MYBL2: variants seen among roughly 807,000 people sequenced by gnomAD.
MYBL2 encodes MYB proto-oncogene like 2, also known as myb-related protein B.
In MYBL2, 28 loss-of-function variants were observed where a neutral mutation model predicts 79.9. The ratio of observed to expected loss-of-function variants is 0.35; its 90% confidence interval spans 0.26 to 0.48. The LOEUF (loss-of-function observed/expected upper bound fraction) is 0.48. MYBL2 is among the 20% of genes least tolerant of loss of function. The pLI is 0.99. For synonymous variants in MYBL2, 378 were observed against 361.2 expected, an observed-to-expected ratio of 1.05 and a Z score of -0.53; for missense variants, 735 against 893.9, an observed-to-expected ratio of 0.82 and a Z score of 2.27.
chr20:43,704,916 C>T (rs1273169134), intron 8 of MYBL2, among the ~76,000 whole-genome samples: 1 of 152,158 alleles, frequency 6.6e-6, no homozygotes, highest in East Asian at 1.9e-4. Flanking sequence ...TGAGAAGGAG[C>T]CACTCTCCCA....
At chr20:43,674,430 A>G (rs1221485283) in intron 2 of MYBL2, among the ~76,000 whole-genome samples, 2 of 147,532 alleles carry the variant, frequency 1.4e-5, no homozygotes, top group African/African-American at 5.0e-5. Context: ...TTTGTCACCC[A>G]GGCTGGAGTA....
chr20:43,714,818 A>G lies in MYBL2; in HGVS notation c.1825-316A>G, dbSNP rs560862994. Among the ~76,000 whole-genome samples, 211 of 152,196 alleles carry G rather than the reference A, an allele frequency of 1.4e-3. 1 individual carries two copies. The highest frequency in any genetic ancestry group is 1.6e-3 in the Non-Finnish European group (106 of 68,010). ...GCTAATTTTTGTGTTTTTAGTAGAG[A>G]CGGGGTTTCACCCTGTTGACCAGGA... On this transcript the variant is annotated intron_variant, in intron 12 of 13. Coordinates refer to ENST00000217026, the MANE Select transcript of MYBL2 (RefSeq NM_002466.4).
At chr20:43,683,198 G>A (rs1987183714) in intron 4 of MYBL2, among the ~76,000 whole-genome samples, 1 of 152,196 alleles carries the variant, frequency 6.6e-6, no homozygotes, top group South Asian at 2.1e-4. Context: ...GGTGATGCTT[G>A]TAGGGGGCTT....
At chr20:43,697,843 A>G (rs1396215028) in intron 6 of MYBL2, among the ~76,000 whole-genome samples, 3 of 149,794 alleles carry the variant, frequency 2.0e-5, no homozygotes, top group Non-Finnish European at 4.4e-5. Flanking sequence ...TGAACCTGGG[A>G]GGTGGAGCTT....
At chr20:43,710,982 G>T (rs536111826) in intron 10 of MYBL2, among the ~76,000 whole-genome samples, 1 of 152,122 alleles carries the variant, frequency 6.6e-6, no homozygotes, top group Non-Finnish European at 1.5e-5. Flanking sequence ...GCTGTGATTC[G>T]CACCTTTCAC....
chr20:43,714,090 T>A (rs1987974205), intron 12 of MYBL2, among the ~76,000 whole-genome samples: 1 of 152,012 alleles, frequency 6.6e-6, no homozygotes, highest in African/African-American at 2.4e-5. Context: ...CCGCAGGGAG[T>A]GAAGAGCACA....
intron 5 of MYBL2, among the ~76,000 whole-genome samples, chr20:43,690,204 T>C (rs76664249): frequency 6.6e-6 from 1 of 151,772 alleles, no homozygotes; most frequent in East Asian, 1.9e-4. Context: ...TTTTTTTTTT[T>C]TGTTTGTTTT....
intron 8 of MYBL2, among the ~76,000 whole-genome samples, chr20:43,704,174 C>T (rs551853295): frequency 2.0e-4 from 30 of 152,092 alleles, no homozygotes; most frequent in South Asian, 6.2e-4. Context: ...CCACCATGCC[C>T]GGCTATTTTT....
chr20:43,682,045 C>T (rs1308427035), intron 3 of MYBL2, among the ~76,000 whole-genome samples, 190 bp downstream of exon 3: 1 of 152,246 alleles, frequency 6.6e-6, no homozygotes, highest in East Asian at 1.9e-4. Context: ...GGGTACACTG[C>T]TGTAAACATC....
At chr20:43,667,338 C>A in intron 1 of MYBL2, 35 bp downstream of exon 1, 4 of 1,215,538 alleles carry the variant, frequency 3.3e-6, no homozygotes, top group Admixed American at 4.2e-5. Context: ...GCCCCTCCCC[C>A]TCCCTTTAAC....
rs1239971832 is a variant in MYBL2, at chr20:43,696,750, T to TG, written c.664-3003dup. ...TGTGGTTGATTTTTTTGTTTTTAGA[T>TG]GGGGTCTCACTCTGTTGCCAGGCTG... On this transcript the variant is annotated intron_variant, in intron 6 of 13. Coordinates refer to ENST00000217026, the MANE Select transcript of MYBL2 (RefSeq NM_002466.4). 2.0e-5 allele frequency among the ~76,000 whole-genome samples: 3 copies of TG among 152,274 alleles called. No individual in the cohort carries two copies. In the East Asian group the frequency reaches 5.8e-4, roughly 29 times the overall value.
rs1388359550 is a variant in MYBL2, at chr20:43,667,220, G to T, written c.-64G>T. On this transcript the variant is annotated 5_prime_UTR_variant, in exon 1 of 14. Coordinates refer to ENST00000217026, the MANE Select transcript of MYBL2 (RefSeq NM_002466.4). ...CGGAGCAGCCCGGGTCCTGACCCCGGCCCGGCTCCCGCTCCGGGCTCTGCC... is the reference window on the plus strand; with the variant it reads ...CGGAGCAGCCCGGGTCCTGACCCCGTCCCGGCTCCCGCTCCGGGCTCTGCC... The T allele has an allele frequency of 8.6e-7, 1 of 1,167,774 alleles. No individual in the cohort carries two copies. Among genetic ancestry groups the T allele is most frequent in the Non-Finnish European group, 1.1e-6 (1 of 942,630 alleles). 72.3% of individuals were successfully genotyped at this position (1,167,774 alleles called of 1,614,324 possible).
At chr20:43,712,259 A>T (rs1416620534) in intron 11 of MYBL2, among the ~76,000 whole-genome samples, 2 of 152,156 alleles carry the variant, frequency 1.3e-5, no homozygotes, top group Non-Finnish European at 2.9e-5. Flanking sequence ...CCTTTTTCCC[A>T]GACTGCTCTC....
chr20:43,673,464 C>G (rs1986915161), intron 1 of MYBL2, among the ~76,000 whole-genome samples: 1 of 151,530 alleles, frequency 6.6e-6, no homozygotes, highest in Non-Finnish European at 1.5e-5. Flanking sequence ...TGGTGAGACC[C>G]CGTCTCTACA....
At chr20:43,674,223 C>CT (rs1391383611) in intron 2 of MYBL2, among the ~76,000 whole-genome samples, 2 of 50,194 alleles carry the variant, frequency 4.0e-5, no homozygotes, top group Non-Finnish European at 5.7e-5. Context: ...AAATCTGTAA[C>CT]TCCCCCCACC....
chr20:43,714,020 C>T (rs1987971575), intron 12 of MYBL2, among the ~76,000 whole-genome samples: 1 of 152,136 alleles, frequency 6.6e-6, no homozygotes, highest in South Asian at 2.1e-4. Context: ...CTTGTCCTGG[C>T]TAGGGGTCTC....
At chr20:43,672,777 A>G (rs537293328) in intron 1 of MYBL2, among the ~76,000 whole-genome samples, 3 of 152,170 alleles carry the variant, frequency 2.0e-5, no homozygotes, top group Non-Finnish European at 1.5e-5. Flanking sequence ...ATGGACATAG[A>G]GAATATATTC....
chr20:43,677,752 T>A (rs1987044563), intron 2 of MYBL2, among the ~76,000 whole-genome samples: 1 of 152,068 alleles, frequency 6.6e-6, no homozygotes, highest in Non-Finnish European at 1.5e-5. Context: ...CGGCCGCCCC[T>A]ACTGGGAAGT....
intron 6 of MYBL2, among the ~76,000 whole-genome samples, chr20:43,694,619 A>C (rs963454033): frequency 1.3e-5 from 2 of 152,226 alleles, no homozygotes; most frequent in African/African-American, 2.4e-5. Flanking sequence ...TTTAGAGAAT[A>C]TCTCTCGATT....
Sources: allele counts gnomAD v4.1 joint callset (sites outside exome capture counted in the v4.1 genomes callset), GRCh38; gene constraint gnomAD v4.1.1; transcripts MANE v1.5; gene names NCBI Gene and HGNC (gene_info 2026-07-23, HGNC 2026-07-21).